Variants in OTOP1 observed in about 807,000 individuals in gnomAD.
The protein encoded by OTOP1 is proton channel OTOP1.
Under a neutral mutation model 52.9 loss-of-function variants are expected in OTOP1, and 59 were observed. That is an observed-to-expected ratio of 1.12 (90% CI 0.91 to 1.39). The LOEUF (loss-of-function observed/expected upper bound fraction) is 1.39. Among genes scored for constraint, OTOP1 ranks in the 40% most tolerant of loss-of-function variants. The pLI is 0.00. For missense variants in OTOP1, 761 were observed against 800.9 expected, an observed-to-expected ratio of 0.95 and a Z score of 0.60; for synonymous variants, 317 against 337.7, an observed-to-expected ratio of 0.94 and a Z score of 0.67.
chr4:4,222,387 C>T (rs1049192653), intron 1 of OTOP1, among the ~76,000 whole-genome samples: 24 of 152,170 alleles, frequency 1.6e-4, no homozygotes, highest in African/African-American at 4.3e-4. Context: ...CTGTGACCTC[C>T]GCATCCTTCT....
chr4:4,196,010 T>G (rs1308720958), intron 5 of OTOP1, among the ~76,000 whole-genome samples: 2 of 152,226 alleles, frequency 1.3e-5, no homozygotes, highest in Admixed American at 6.5e-5. Flanking sequence ...AGGTCTATTT[T>G]CCAGCCTTAT....
chr4:4,203,140 C>T (rs913668467), intron 3 of OTOP1, among the ~76,000 whole-genome samples: 2 of 152,266 alleles, frequency 1.3e-5, no homozygotes, highest in Admixed American at 6.5e-5. Flanking sequence ...GAGCTTTAGT[C>T]TAATGGGCAC....
intron 5 of OTOP1, among the ~76,000 whole-genome samples, chr4:4,189,448 T>C (rs1412187392): frequency 1.3e-5 from 2 of 152,174 alleles, no homozygotes; most frequent in East Asian, 3.9e-4. Context: ...CCTCTTGAGT[T>C]GTCAGGCTCC....
In OTOP1 at chr4:4,197,739, C is replaced by A. The variant is rs1183024830; in HGVS notation, c.1095G>T (p.Gly365=). 1 of 1,613,822 alleles carries A rather than the reference C, an allele frequency of 6.2e-7. No individual in the cohort carries two copies. The highest frequency in any genetic ancestry group is 8.5e-7 in the Non-Finnish European group (1 of 1,180,006). Residue 365 remains glycine (G), a synonymous_variant, in exon 5 of 6, where the codon GGG becomes GGT. Transcript: ENST00000296358. ...ITLLMLMGAA[G]LAGIRIYRID... is the part of the protein sequence containing the mutation. ...TCCTGTAAATCCGGATTCCAGCCAG[C>A]CCCGCAGCCCCCATAAGCATCAGCA... is the stretch of plus-strand genomic sequence containing the variant.
At chr4:4,202,906 A>C (rs1040296935) in intron 3 of OTOP1, among the ~76,000 whole-genome samples, 64 of 152,204 alleles carry the variant, frequency 4.2e-4, no homozygotes, top group African/African-American at 1.4e-3. Flanking sequence ...CCACCCCACC[A>C]CACCCCAAAT....
intron 4 of OTOP1, among the ~76,000 whole-genome samples, chr4:4,200,339 G>C (rs1716753839): frequency 6.6e-6 from 1 of 152,008 alleles, no homozygotes; most frequent in Admixed American, 6.6e-5. Flanking sequence ...GCCGGGCGTG[G>C]TGGCAGGTGC....
chr4:4,188,967 T>C lies in OTOP1; in HGVS notation c.1675A>G (p.Ile559Val), dbSNP rs749640790. ...GGTCGACAGCCAAAGGCGGGAGGTA[T>C]CCAAAGCTGCAAGAGAAGAGAAAAT... ...FLFLCNISLW[I>V]PPAFGCRPEY... Residue 559 changes from isoleucine (I) to valine (V), a missense_variant, in exon 6 of 6, where the codon ATA becomes GTA. Ile to Val is a conservative substitution (Grantham distance 29). Around this residue, in one of 3 missense-constraint regions of OTOP1, gnomAD observed 632 missense variants for 619.5 expected, o/e 1.02. Coordinates refer to ENST00000296358, the MANE Select transcript of OTOP1 (RefSeq NM_177998.3). 1.2e-6 allele frequency: 2 copies of C among 1,610,954 alleles called. No individual in the cohort carries two copies. Among genetic ancestry groups the C allele is most frequent in the Non-Finnish European group, 1.7e-6 (2 of 1,178,644 alleles).
intron 1 of OTOP1, among the ~76,000 whole-genome samples, chr4:4,220,773 A>T (rs1472460038): frequency 6.6e-6 from 1 of 152,164 alleles, no homozygotes; most frequent in East Asian, 1.9e-4. Context: ...TAGGGTACCC[A>T]TCCAGTGATG....
intron 1 of OTOP1, among the ~76,000 whole-genome samples, chr4:4,218,194 C>T (rs113011944): frequency 4.6e-4 from 70 of 152,050 alleles, no homozygotes; most frequent in Non-Finnish European, 4.6e-4. Context: ...GAGTTCGAGA[C>T]GAGCCTGGCC....
chr4:4,188,976 G>A lies in OTOP1; in HGVS notation c.1669-3C>T. 6.2e-7 allele frequency: 1 copy of A among 1,610,276 alleles called. No homozygotes were observed. The highest frequency in any genetic ancestry group is 1.3e-5 in the African/African-American group (1 of 74,870). On this transcript the variant is annotated splice_region_variant and splice_polypyrimidine_tract_variant and intron_variant, in intron 5 of 5. Coordinates refer to ENST00000296358, the MANE Select transcript of OTOP1 (RefSeq NM_177998.3). ...CCAAAGGCGGGAGGTATCCAAAGCT[G>A]CAAGAGAAGAGAAAATGGCATGTGG...
intron 1 of OTOP1, among the ~76,000 whole-genome samples, chr4:4,220,464 C>T (rs1717276155): frequency 6.6e-6 from 1 of 152,218 alleles, no homozygotes. Flanking sequence ...GTGGCAGAGG[C>T]CAGCTGCCCA....
intron 1 of OTOP1, among the ~76,000 whole-genome samples, chr4:4,226,093 G>T (rs1260277663): frequency 1.3e-5 from 2 of 152,220 alleles, no homozygotes; most frequent in Non-Finnish European, 2.9e-5. Flanking sequence ...GGGATCAAAG[G>T]AAACGGGCCC....
At chr4:4,205,697 C>T (rs1341437464) in intron 3 of OTOP1, among the ~76,000 whole-genome samples, 1 of 152,238 alleles carries the variant, frequency 6.6e-6, no homozygotes, top group African/African-American at 2.4e-5. Context: ...GCTAGTTTTT[C>T]TCTTGTTAAT....
intron 1 of OTOP1, among the ~76,000 whole-genome samples, chr4:4,223,458 A>C (rs536749747): frequency 1.2e-4 from 18 of 152,178 alleles, no homozygotes; most frequent in Admixed American, 5.9e-4. Context: ...GAATAAGTGA[A>C]TGATGATAGA....
At chr4:4,218,391 CA>C (rs202242761) in intron 1 of OTOP1, among the ~76,000 whole-genome samples, 83 of 130,590 alleles carry the variant, frequency 6.4e-4, no homozygotes, top group African/African-American at 1.9e-3. Context: ...GACTCCAACT[CA>C]AAAAAAAAAA....
intron 3 of OTOP1, among the ~76,000 whole-genome samples, chr4:4,203,213 C>T (rs572726785): frequency 2.2e-4 from 33 of 152,238 alleles, no homozygotes; most frequent in African/African-American, 7.7e-4. Flanking sequence ...GCTATGGTCC[C>T]TTTCTCCTTT....
intron 2 of OTOP1, among the ~76,000 whole-genome samples, chr4:4,207,978 C>T (rs867652535): frequency 2.0e-5 from 3 of 152,106 alleles, no homozygotes; most frequent in Non-Finnish European, 4.4e-5. Flanking sequence ...CTTTGATCAG[C>T]GGTTCACATG....
At chr4:4,225,905 G>C (rs997120908) in intron 1 of OTOP1, among the ~76,000 whole-genome samples, 2 of 152,186 alleles carry the variant, frequency 1.3e-5, no homozygotes, top group Non-Finnish European at 2.9e-5. Flanking sequence ...GAGAAGCTTC[G>C]CGGGGAGAAT....
chr4:4,192,277 C>T (rs11730865), intron 5 of OTOP1, among the ~76,000 whole-genome samples: 34,788 of 151,918 alleles, frequency 0.23, 4,705 homozygotes, highest in South Asian at 0.36. Flanking sequence ...TCAAGAGTCC[C>T]GGCTGAGCCC....
Sources: allele counts gnomAD v4.1 joint callset (sites outside exome capture counted in the v4.1 genomes callset), GRCh38; gene constraint gnomAD v4.1.1; regional missense constraint gnomAD v4.1.1; transcripts MANE v1.5; gene names NCBI Gene and HGNC (gene_info 2026-07-23, HGNC 2026-07-21).